The following MEOX2 variants were observed in gnomAD, a reference collection of about 807,000 sequenced individuals.
The protein encoded by MEOX2 is homeobox protein MOX-2.
A neutral mutation model predicts 27.0 loss-of-function variants in MEOX2; 11 were observed. That is an observed-to-expected ratio of 0.41 (90% CI 0.26 to 0.68). MEOX2 has a LOEUF of 0.68. Among genes scored for constraint, MEOX2 ranks in the 30% least tolerant of loss-of-function variants. MEOX2 has a pLI of 0.33. For missense variants in MEOX2, 436 were observed against 385.4 expected, an observed-to-expected ratio of 1.13 and a Z score of -1.10; for synonymous variants, 189 against 155.4, an observed-to-expected ratio of 1.22 and a Z score of -1.61.
At chr7:15,638,359 T>C (rs1450263348) in intron 1 of MEOX2, among the ~76,000 whole-genome samples, 1 of 152,184 alleles carries the variant, frequency 6.6e-6, no homozygotes, top group East Asian at 1.9e-4. Flanking sequence ...TTTATTTATG[T>C]ACGTTTGTAT....
chr7:15,666,771 AAAAAAAAAATATAT>A (rs1466927184), intron 1 of MEOX2, among the ~76,000 whole-genome samples: 21 of 49,436 alleles, frequency 4.2e-4, no homozygotes, highest in East Asian at 1.1e-3. Flanking sequence ...AAAAAAAAAA[AAAAAAAAAATATAT>A]ATATATATAT....
chr7:15,622,348 T>C (rs1241044865), intron 2 of MEOX2, among the ~76,000 whole-genome samples: 1 of 152,180 alleles, frequency 6.6e-6, no homozygotes, highest in Non-Finnish European at 1.5e-5. Flanking sequence ...CTATGAGTCC[T>C]GTCTCTGCTT....
At chr7:15,667,280 ACT>A (rs1252895750) in intron 1 of MEOX2, among the ~76,000 whole-genome samples, 3 of 125,438 alleles carry the variant, frequency 2.4e-5, no homozygotes, top group Non-Finnish European at 3.3e-5. Context: ...ACAGAGTGAG[ACT>A]CTGTCTCAAA....
At chr7:15,670,854 T>C (rs1782083243) in intron 1 of MEOX2, among the ~76,000 whole-genome samples, 1 of 152,162 alleles carries the variant, frequency 6.6e-6, no homozygotes, top group African/African-American at 2.4e-5. Context: ...CTCAGAACTT[T>C]TCAACTGAGA....
At chr7:15,626,314 G>T (rs1240378398) in intron 2 of MEOX2, among the ~76,000 whole-genome samples, 1 of 152,042 alleles carries the variant, frequency 6.6e-6, no homozygotes, top group African/African-American at 2.4e-5. Flanking sequence ...TTTATGTTAT[G>T]CCATTGAGAT....
intron 1 of MEOX2, among the ~76,000 whole-genome samples, chr7:15,670,113 C>T (rs1213710548): frequency 1.3e-5 from 2 of 152,130 alleles, no homozygotes; most frequent in South Asian, 2.1e-4. Flanking sequence ...TTATGTTGTG[C>T]TTTACCTCAT....
chr7:15,683,199 A>G (rs1051932997), intron 1 of MEOX2, among the ~76,000 whole-genome samples: 2 of 152,038 alleles, frequency 1.3e-5, no homozygotes. Context: ...AAATTCTATT[A>G]GAATTTAACA....
intron 1 of MEOX2, among the ~76,000 whole-genome samples, chr7:15,683,084 T>C (rs576752002): frequency 1.3e-4 from 20 of 152,092 alleles, no homozygotes; most frequent in African/African-American, 4.8e-4. Flanking sequence ...GTGCATAAAA[T>C]ATATGCTAGA....
intron 1 of MEOX2, among the ~76,000 whole-genome samples, chr7:15,640,159 T>C (rs985630732): frequency 6.6e-6 from 1 of 152,036 alleles, no homozygotes; most frequent in Non-Finnish European, 1.5e-5. Flanking sequence ...CTATAATCAG[T>C]GCTTTGTAGT....
chr7:15,635,086 A>G (rs1471095538), intron 1 of MEOX2, among the ~76,000 whole-genome samples: 1 of 151,984 alleles, frequency 6.6e-6, no homozygotes, highest in African/African-American at 2.4e-5. Context: ...AATAAATATT[A>G]ACTTTGTAGG....
At chr7:15,640,336 T>G (rs1324306201) in intron 1 of MEOX2, among the ~76,000 whole-genome samples, 1 of 151,992 alleles carries the variant, frequency 6.6e-6, no homozygotes, top group African/African-American at 2.4e-5. Flanking sequence ...GATTGAGCAC[T>G]GTTGTTGTAT....
In MEOX2 at chr7:15,628,500, G is replaced by A. The variant is rs143725326; in HGVS notation, c.518-1582C>T. Among the ~76,000 whole-genome samples, 6 of 152,218 alleles carry A rather than the reference G, an allele frequency of 3.9e-5. No homozygotes were observed. In the East Asian group the frequency reaches 7.7e-4, roughly 20 times the overall value. ...CTAAAACTCTTCATTCACTGACCAC[G>A]TTTCTGGGCTTGTCACTTATCCCTG... On this transcript the variant is annotated intron_variant, in intron 1 of 2. Transcript: ENST00000262041.
At chr7:15,641,090 T>C (rs898728854) in intron 1 of MEOX2, among the ~76,000 whole-genome samples, 1 of 152,126 alleles carries the variant, frequency 6.6e-6, no homozygotes, top group African/African-American at 2.4e-5. Context: ...TTTCAGTAAG[T>C]TGGTACCACT....
chr7:15,635,095 GGCAT>G (rs1781460296), intron 1 of MEOX2, among the ~76,000 whole-genome samples: 1 of 151,782 alleles, frequency 6.6e-6, no homozygotes, highest in Non-Finnish European at 1.5e-5. Context: ...TAACTTTGTA[GGCAT>G]GCATTTTAGA....
rs897520746 is a variant in MEOX2 at position 15,633,353 on chromosome 7, A to G, written c.518-6435T>C. The stretch of plus-strand genomic sequence containing the variant: ...ATTACATGGTATTACTGCATATTTG[A>G]GAAGATGGGGAGGGAAAGAAACTAT... On this transcript the variant is annotated intron_variant, in intron 1 of 2. Coordinates refer to ENST00000262041, the MANE Select transcript of MEOX2 (RefSeq NM_005924.5). Among the ~76,000 whole-genome samples the G allele has an allele frequency of 2.0e-5, 3 of 151,918 alleles. No individual in the cohort carries two copies. The East Asian group carries it at 5.8e-4, about 29-fold the overall frequency.
At chr7:15,680,047 C>G (rs1782267835) in intron 1 of MEOX2, 1 of 151,776 alleles carries the variant, frequency 6.6e-6, no homozygotes, top group South Asian at 2.1e-4. Context: ...GAATAATGAG[C>G]TACTTATTAT....
At chr7:15,623,388 T>C (rs1281132402) in intron 2 of MEOX2, among the ~76,000 whole-genome samples, 1 of 152,130 alleles carries the variant, frequency 6.6e-6, no homozygotes, top group African/African-American at 2.4e-5. Flanking sequence ...TTTTTTTTTA[T>C]ATACAGAGTC....
chr7:15,634,687 A>G (rs1156439706), intron 1 of MEOX2, among the ~76,000 whole-genome samples: 2 of 151,972 alleles, frequency 1.3e-5, no homozygotes, highest in Non-Finnish European at 2.9e-5. Context: ...AATGACCAAC[A>G]TGATTCATAA....
At chr7:15,633,347 T>C (rs1246265408) in intron 1 of MEOX2, among the ~76,000 whole-genome samples, 1 of 151,978 alleles carries the variant, frequency 6.6e-6, no homozygotes, top group Non-Finnish European at 1.5e-5. Flanking sequence ...TATTACTGCA[T>C]ATTTGAGAAG....
Sources: allele counts gnomAD v4.1 joint callset (sites outside exome capture counted in the v4.1 genomes callset), GRCh38; gene constraint gnomAD v4.1.1; transcripts MANE v1.5; gene names NCBI Gene and HGNC (gene_info 2026-07-23, HGNC 2026-07-21).